The following NAV1 variants were observed in gnomAD, a reference collection of about 807,000 sequenced individuals.
NAV1 encodes neuron navigator 1.
NAV1 carries 18 observed loss-of-function variants against 175.2 expected under a neutral mutation model. That is an observed-to-expected ratio of 0.10 (90% CI 0.07 to 0.15). The LOEUF is 0.15. Ranked by LOEUF, NAV1 falls within the 10% of genes least tolerant of loss-of-function variation. The pLI, the probability that NAV1 is intolerant of heterozygous loss-of-function variation, is 1.00. For missense variants in NAV1, 1,731 were observed against 2,436.6 expected (o/e 0.71, Z 6.10); for synonymous variants, 897 against 978.7 (o/e 0.92, Z 1.56).
intron 1 of NAV1, among the ~76,000 whole-genome samples, chr1:201,662,480 C>G (rs537517924): frequency 6.6e-6 from 1 of 152,362 alleles, no homozygotes; most frequent in South Asian, 2.1e-4. Context: ...GAGTCCCTGA[C>G]TGCCTGGGGC....
chr1:201,691,036 G>A (rs1335683187), intron 1 of NAV1, among the ~76,000 whole-genome samples: 10 of 152,230 alleles, frequency 6.6e-5, no homozygotes, highest in Admixed American at 6.5e-4. Context: ...AGGGGGAGTT[G>A]TTAATGTTAA....
intron 1 of NAV1, among the ~76,000 whole-genome samples, chr1:201,670,095 A>T (rs572210452): frequency 1.1e-3 from 171 of 152,164 alleles, no homozygotes; most frequent in Non-Finnish European, 7.4e-4. Flanking sequence ...ATACCTTTTT[A>T]AAAAGGTAAG....
chr1:201,698,136 G>A (rs1253678978), intron 1 of NAV1, among the ~76,000 whole-genome samples: 2 of 152,194 alleles, frequency 1.3e-5, no homozygotes, highest in East Asian at 3.8e-4. Context: ...TGCATAGGCT[G>A]TATCCTTCCT....
chr1:201,722,102 T>G (rs1377337409), intron 3 of NAV1, among the ~76,000 whole-genome samples: 1 of 152,266 alleles, frequency 6.6e-6, no homozygotes, highest in Non-Finnish European at 1.5e-5. Context: ...TATATATATA[T>G]AACATAAAAT....
intron 3 of NAV1, among the ~76,000 whole-genome samples, chr1:201,734,186 T>C (rs572499889): frequency 6.6e-6 from 1 of 152,132 alleles, no homozygotes; most frequent in East Asian, 1.9e-4. Flanking sequence ...GGCGGGCGGA[T>C]TGCTTGAGCC....
At position 201,639,286 on chromosome 1, in the gene NAV1, G is replaced by A. The variant is rs1363195900; in HGVS notation, c.5-9348G>A. Among the ~76,000 whole-genome samples, 4 of 152,308 alleles carry A rather than the reference G, an allele frequency of 2.6e-5. No individual in the cohort carries two copies. In the East Asian group the frequency reaches 5.8e-4, roughly 22 times the overall value. ...CCTCTAAGGCAGCCAGATAGCAGAG[G>A]CCAGGGGACTGTCCTTTCCTGGGAA... On this transcript the variant is annotated intron_variant, in intron 2 of 29. Coordinates refer to the NAV1 transcript ENST00000367302.
chr1:201,603,717 C>T (rs1667587983), intron 2 of NAV1, among the ~76,000 whole-genome samples: 1 of 152,090 alleles, frequency 6.6e-6, no homozygotes, highest in Admixed American at 6.5e-5. Context: ...AGGACATCTA[C>T]CGGGTCAGTG....
intron 1 of NAV1, among the ~76,000 whole-genome samples, chr1:201,549,130 TCTTTC>T (rs1314841587): frequency 6.9e-6 from 1 of 145,924 alleles, no homozygotes; most frequent in African/African-American, 2.5e-5. Flanking sequence ...TTTCTTTCTT[TCTTTC>T]TTTCTTTCTT....
intron 1 of NAV1, among the ~76,000 whole-genome samples, chr1:201,651,193 A>C (rs1218663958): frequency 7.0e-6 from 1 of 142,200 alleles, no homozygotes; most frequent in Non-Finnish European, 1.5e-5. Flanking sequence ...GAGGGAGGGC[A>C]AGGGAGTATC....
At chr1:201,673,370 G>C (rs1372201578) in intron 1 of NAV1, 2 of 152,228 alleles carry the variant, frequency 1.3e-5, no homozygotes, top group Admixed American at 6.5e-5. Flanking sequence ...ATAGTAGCTG[G>C]AGAGTGGTAA....
At chr1:201,598,090 G>A (rs1667407740) in intron 2 of NAV1, among the ~76,000 whole-genome samples, 1 of 152,234 alleles carries the variant, frequency 6.6e-6, no homozygotes, top group African/African-American at 2.4e-5. Context: ...AGGCAGCTTT[G>A]GAGATGAGCC....
chr1:201,704,426 G>T (rs1289979473), intron 1 of NAV1, among the ~76,000 whole-genome samples: 1 of 152,244 alleles, frequency 6.6e-6, no homozygotes, highest in Non-Finnish European at 1.5e-5. Flanking sequence ...CCTGGCGGGG[G>T]CTGGACTGGG....
At chr1:201,550,121 C>T (rs1050037049) in intron 1 of NAV1, among the ~76,000 whole-genome samples, 4 of 151,916 alleles carry the variant, frequency 2.6e-5, no homozygotes, top group African/African-American at 9.7e-5. Flanking sequence ...ACCCTACATC[C>T]CACATGAATT....
chr1:201,811,067 T>C (rs979796122), intron 24 of NAV1, among the ~76,000 whole-genome samples: 1 of 152,200 alleles, frequency 6.6e-6, no homozygotes, highest in African/African-American at 2.4e-5. Context: ...CAGTTGGTCA[T>C]TGATGAAACT....
chr1:201,577,426 C>T (rs1666719960), intron 1 of NAV1, among the ~76,000 whole-genome samples: 1 of 149,900 alleles, frequency 6.7e-6, no homozygotes, highest in Non-Finnish European at 1.5e-5. Flanking sequence ...CGCATTTAAA[C>T]ACACAATCCA....
At chr1:201,629,707 C>T (rs912344521) in intron 2 of NAV1, among the ~76,000 whole-genome samples, 200 bp downstream of exon 4, 6 of 152,160 alleles carry the variant, frequency 3.9e-5, no homozygotes, top group Admixed American at 3.9e-4. Context: ...CTTTTAGGGG[C>T]AGCATAGGGA....
chr1:201,758,705 G>T (rs760858672), intron 3 of NAV1, among the ~76,000 whole-genome samples: 1 of 152,202 alleles, frequency 6.6e-6, no homozygotes, highest in Non-Finnish European at 1.5e-5. Context: ...TTGGAAAGCT[G>T]CCAAATAATG....
At position 201,642,534 on chromosome 1, in the gene NAV1, T is replaced by TTTCTTTC. The variant is rs1187946063; in HGVS notation, c.5-6097_5-6091dup. 2.4e-3 allele frequency among the ~76,000 whole-genome samples: 263 copies of TTTCTTTC among 111,302 alleles called. 16 individuals are homozygous for TTTCTTTC. Among genetic ancestry groups the TTTCTTTC allele is most frequent in the African/African-American group, 9.5e-3 (245 of 25,694 alleles). 73.0% of individuals were successfully genotyped at this position (111,302 alleles called of 152,430 possible). A position where few individuals can be genotyped will look rare whatever the true frequency, so the allele number is the denominator to read the frequency against. ...GCCTCTTTCTTTCTTTTTTTCTTTCTTTCTTTCTTTCTTTCTTTCTTTTTT... is the reference window on the plus strand; with the variant it reads ...GCCTCTTTCTTTCTTTTTTTCTTTCTTTCTTTCTTCTTTCTTTCTTTCTTTCTTTTTT... On this transcript the variant is annotated intron_variant, in intron 2 of 29. Transcript: ENST00000367302.
intron 1 of NAV1, among the ~76,000 whole-genome samples, chr1:201,679,239 G>A (rs762372867): frequency 6.6e-6 from 1 of 152,134 alleles, no homozygotes; most frequent in Non-Finnish European, 1.5e-5. Context: ...ATCTCCCAAA[G>A]GGCTTGGAGG....
Sources: allele counts gnomAD v4.1 joint callset (sites outside exome capture counted in the v4.1 genomes callset), GRCh38; gene constraint gnomAD v4.1.1; transcripts MANE v1.5; gene names NCBI Gene and HGNC (gene_info 2026-07-23, HGNC 2026-07-21).